UNC80: variants seen among roughly 807,000 people sequenced by gnomAD.
UNC80 encodes the protein protein unc-80 homolog.
A neutral mutation model predicts 384.6 loss-of-function variants in UNC80; 164 were observed. The observed-to-expected ratio is 0.43, with a 90% CI of 0.38 to 0.49. The LOEUF is 0.49. UNC80 is among the 20% of genes least tolerant of loss of function. UNC80 has a pLI of 0.00. For synonymous variants in UNC80, 1,486 were observed against 1,527.8 expected, an observed-to-expected ratio of 0.97 and a Z score of 0.64; for missense variants, 3,330 against 4,143.0, an observed-to-expected ratio of 0.80 and a Z score of 5.39.
chr2:209,807,918 C>T (rs1247039947), intron 7 of UNC80, among the ~76,000 whole-genome samples: 3 of 152,246 alleles, frequency 2.0e-5, no homozygotes, highest in Non-Finnish European at 4.4e-5. Flanking sequence ...TGCTACTGAA[C>T]GTCTTGTTAA....
Position 209,839,159 on chromosome 2 carries a change from G to C in UNC80, c.3042-63G>C. ...AAATATCATTGACAGGAAGATGAAA[G>C]AAATTTAGGAGAATTTCTCAAGTGT... On this transcript the variant is annotated intron_variant, in intron 18 of 64. Transcript: ENST00000673920. This position sits in a 1 kb window ranked among gnomAD's most constrained non-coding sequence, Gnocchi z 4.1. 1 of 1,450,320 alleles carries C rather than the reference G, an allele frequency of 6.9e-7. No individual in the cohort carries two copies. Among genetic ancestry groups the C allele is most frequent in the Non-Finnish European group, 9.4e-7 (1 of 1,066,272 alleles). The allele number at this position is 1,450,320 out of a possible 1,614,324, so 89.8% of individuals were successfully genotyped here. A position where few individuals can be genotyped will look rare whatever the true frequency, so the allele number is the denominator to read the frequency against.
chr2:209,829,532 C>G (rs1319871156), intron 15 of UNC80, among the ~76,000 whole-genome samples, 153 bp downstream of exon 15: 2 of 152,064 alleles, frequency 1.3e-5, no homozygotes, highest in African/African-American at 4.8e-5. Context: ...AGAGTATAAA[C>G]AAGAAAAGCT....
Position 209,872,241 on chromosome 2 carries a change from G to A in UNC80, c.3628-517G>A, listed in dbSNP as rs1466431383. On this transcript the variant is annotated intron_variant, in intron 22 of 64. Coordinates refer to ENST00000673920, the MANE Select transcript of UNC80 (RefSeq NM_001371986.1). The surrounding 1 kb of genome is among the most constrained non-coding windows in gnomAD (Gnocchi z 4.1). Reference sequence around the variant, plus strand: ...CTTCTTTTTTTAATAGCCAAAATGTGCAGAACCAATTTTACCTCTTTGGAA... The same window carrying A: ...CTTCTTTTTTTAATAGCCAAAATGTACAGAACCAATTTTACCTCTTTGGAA... 6.6e-6 allele frequency among the ~76,000 whole-genome samples: 1 copy of A among 152,028 alleles called. No individual in the cohort carries two copies. The highest frequency in any genetic ancestry group is 2.4e-5 in the African/African-American group (1 of 41,402).
At chr2:209,949,400 A>G (rs931877523) in intron 47 of UNC80, among the ~76,000 whole-genome samples, 1 of 152,224 alleles carries the variant, frequency 6.6e-6, no homozygotes, top group Non-Finnish European at 1.5e-5. Context: ...GTCAGGCTAT[A>G]GTATCAAGGA....
Position 209,921,519 on chromosome 2 carries a change from C to T in UNC80, c.5363C>T (p.Ala1788Val). The T allele has an allele frequency of 6.5e-7, 1 of 1,537,942 alleles. No homozygotes were observed. The highest frequency in any genetic ancestry group is 8.8e-7 in the Non-Finnish European group (1 of 1,139,746). Residue 1788 changes from alanine to valine, a missense_variant, in exon 34 of 65, where the codon GCT (alanine) becomes GTT (valine). Transcript: ENST00000673920. ...CCACAGAAATCCTTTTCAGCCCGGG[C>T]TGTGTCCCGCTCCCATCAAAGGGCA... ...EDQSKSFSAR[A>V]VSRSHQRAEH... is the part of the protein sequence containing the mutation.
chr2:209,786,996 TA>T (rs1484859505), intron 5 of UNC80, among the ~76,000 whole-genome samples: 30 of 104,920 alleles, frequency 2.9e-4, no homozygotes, highest in African/African-American at 1.3e-3. Context: ...TATATATATA[TA>T]TATATATATA....
chr2:209,839,253 C>T lies in UNC80; in HGVS notation c.3073C>T (p.Arg1025Trp), dbSNP rs775377500. Residue 1025 changes from arginine to tryptophan, a missense_variant, in exon 19 of 65, where the codon CGG becomes TGG. By Grantham distance (101) the Arg-to-Trp change is moderately radical. This residue lies in a region of UNC80 where 801 missense variants were observed against 950.8 expected (regional missense o/e 0.84). Transcript: ENST00000673920. This position sits in a 1 kb window ranked among gnomAD's most constrained non-coding sequence, Gnocchi z 4.1. ...DEQMQGANLG[R>W]KDFWRKMFKS... ...ACAAATGCAAGGAGCCAACTTGGGG[C>T]GGAAAGATTTCTGGCGTAAGATGTT... 1.1e-5 allele frequency: 17 copies of T among 1,551,370 alleles called. No homozygotes were observed. The highest frequency in any genetic ancestry group is 4.1e-5 in the African/African-American group (3 of 72,972).
At position 209,776,744 on chromosome 2, in the gene UNC80, C is replaced by T. The variant is rs193202186; in HGVS notation, c.299-514C>T. On this transcript the variant is annotated intron_variant, in intron 3 of 64. Transcript: ENST00000673920. ...GGGCATATTTGCCTCAGACATTTTC[C>T]AGCTTTGTAGTACTGTGTATGAGTA... 2.0e-5 allele frequency among the ~76,000 whole-genome samples: 3 copies of T among 152,330 alleles called. No individual in the cohort carries two copies. The East Asian group carries it at 5.8e-4, about 29-fold the overall frequency.
chr2:209,942,324 T>G (rs887262650), intron 44 of UNC80, among the ~76,000 whole-genome samples: 1 of 152,212 alleles, frequency 6.6e-6, no homozygotes, highest in Admixed American at 6.5e-5. Flanking sequence ...CTAGAAAGTT[T>G]GAGAACTTCT....
chr2:209,908,823 C>T (rs919472563), intron 29 of UNC80, among the ~76,000 whole-genome samples: 2 of 152,146 alleles, frequency 1.3e-5, no homozygotes, highest in African/African-American at 4.8e-5. Flanking sequence ...TTACATAATT[C>T]ATGTGTTAAA....
At chr2:209,840,701 T>C (rs1332573149) in intron 20 of UNC80, 53 bp downstream of exon 20, 2 of 1,436,860 alleles carry the variant, frequency 1.4e-6, no homozygotes, top group East Asian at 2.5e-5. Flanking sequence ...GATACAAACA[T>C]GTGAAGGCTG....
rs144106841 is a variant in UNC80 at position 209,796,885 on chromosome 2, A to G, written c.938+3026A>G. On this transcript the variant is annotated intron_variant, in intron 7 of 64. Transcript: ENST00000673920. ...TACACAGTTTAATGATTTTTAGTAAATTTACAGAATTGTGCAACTACCACT... is the reference window on the plus strand; with the variant it reads ...TACACAGTTTAATGATTTTTAGTAAGTTTACAGAATTGTGCAACTACCACT... Among the ~76,000 whole-genome samples the G allele has an allele frequency of 2.6e-5, 4 of 152,274 alleles. No homozygotes were observed. In the East Asian group the frequency reaches 7.7e-4, roughly 29 times the overall value.
intron 7 of UNC80, among the ~76,000 whole-genome samples, chr2:209,806,736 A>C (rs1186368433): frequency 6.6e-6 from 1 of 152,348 alleles, no homozygotes; most frequent in South Asian, 2.1e-4. Flanking sequence ...CTCTGAACTT[A>C]AGTGAACTGC....
chr2:209,838,829 C>CGG (rs2081532393), intron 18 of UNC80, among the ~76,000 whole-genome samples: 1 of 152,104 alleles, frequency 6.6e-6, no homozygotes, highest in South Asian at 2.1e-4. Context: ...GGTGTGGTGG[C>CGG]ATACGCCTGT....
chr2:209,776,045 G>C lies in UNC80; in HGVS notation c.298G>C (p.Gly100Arg). The change falls in exon 3 of 65, where the codon GGC becomes CGC. Residue 100 changes from glycine to arginine, a missense_variant and splice_region_variant. Coordinates refer to ENST00000673920, the MANE Select transcript of UNC80 (RefSeq NM_001371986.1). Reference sequence around the variant, plus strand: ...CCTGCTTTCAAACCGAAACAAGCTAGGTTGGTGCCCCGCATTACTTCTTTA... The same window carrying C: ...CCTGCTTTCAAACCGAAACAAGCTACGTTGGTGCCCCGCATTACTTCTTTA... ...ATLLSNRNKL[G>R]HQDKLGVAET... The C allele has an allele frequency of 6.2e-7, 1 of 1,613,970 alleles. No homozygotes were observed. The highest frequency in any genetic ancestry group is 8.5e-7 in the Non-Finnish European group (1 of 1,179,916).
intron 16 of UNC80, 53 bp from the exon 17 acceptor site, chr2:209,833,949 T>C: frequency 6.5e-7 from 1 of 1,527,752 alleles, no homozygotes. Flanking sequence ...GGAAAAACTA[T>C]TTAATCACAC....
Position 209,935,697 on chromosome 2 carries a change from A to G in UNC80, c.6179-17A>G. ...CTATAGTAAAAGTCAGTTTGTTATT[A>G]TTTTTATCATCTGTAGGTACTAAAA... is the stretch of plus-strand genomic sequence containing the variant. On this transcript the variant is annotated splice_polypyrimidine_tract_variant and intron_variant, in intron 39 of 64. Transcript: ENST00000673920. 1 of 1,359,798 alleles carries G rather than the reference A, an allele frequency of 7.4e-7. No individual in the cohort carries two copies. Among genetic ancestry groups the G allele is most frequent in the Non-Finnish European group, 9.7e-7 (1 of 1,030,638 alleles). The allele number at this position is 1,359,798 out of a possible 1,614,324, so 84.2% of individuals were successfully genotyped here.
intron 29 of UNC80, among the ~76,000 whole-genome samples, chr2:209,909,873 C>T (rs1326008448): frequency 6.6e-6 from 1 of 151,924 alleles, no homozygotes; most frequent in African/African-American, 2.4e-5. Flanking sequence ...TAACTGCCTC[C>T]CATTGAACAC....
intron 31 of UNC80, among the ~76,000 whole-genome samples, chr2:209,917,507 C>T (rs2089650516): frequency 6.6e-6 from 1 of 152,124 alleles, no homozygotes. Context: ...CATTTGCTTC[C>T]TCTGGCATTC....
Sources: allele counts gnomAD v4.1 joint callset (sites outside exome capture counted in the v4.1 genomes callset), GRCh38; gene constraint gnomAD v4.1.1; regional missense constraint gnomAD v4.1.1; non-coding constraint Gnocchi (gnomAD v3.1); transcripts MANE v1.5; gene names NCBI Gene and HGNC (gene_info 2026-07-23, HGNC 2026-07-21).